PLCE1: variants seen among roughly 807,000 people sequenced by gnomAD.
PLCE1 encodes 1-phosphatidylinositol 4,5-bisphosphate phosphodiesterase epsilon-1.
Under a neutral mutation model 242.8 loss-of-function variants are expected in PLCE1, and 119 were observed. That is an observed-to-expected ratio of 0.49 (90% CI 0.42 to 0.57). The LOEUF (loss-of-function observed/expected upper bound fraction) is 0.57, where lower values mean the gene tolerates loss of function less well. Ranked by LOEUF, PLCE1 falls within the 20% of genes least tolerant of loss-of-function variation. The pLI is 0.00. For synonymous variants in PLCE1, 945 were observed against 1,017.4 expected, an observed-to-expected ratio of 0.93 and a Z score of 1.35; for missense variants, 2,441 against 2,788.8, an observed-to-expected ratio of 0.88 and a Z score of 2.81.
Position 94,324,392 on chromosome 10 carries a change from C to G in PLCE1, c.6545C>G (p.Pro2182Arg). 6.2e-7 allele frequency: 1 copy of G among 1,614,094 alleles called. No homozygotes were observed. Among genetic ancestry groups the G allele is most frequent in the Non-Finnish European group, 8.5e-7 (1 of 1,180,020 alleles). Residue 2182 changes from proline (P) to arginine (R), a missense_variant, in exon 31 of 33, where the codon CCC becomes CGC. Around this residue, in one of 5 missense-constraint regions of PLCE1, gnomAD observed 310 missense variants for 317.2 expected, o/e 0.98. Coordinates refer to ENST00000371380, the MANE Select transcript of PLCE1 (RefSeq NM_016341.4). ...TATTCCTACAGCATCCTGAGCAACC[C>G]CAATCCAAGCGACTATGTGCTTTTG... ...AKYSYSILSN[P>R]NPSDYVLLEE...
intron 4 of PLCE1, among the ~76,000 whole-genome samples, chr10:94,203,547 A>C (rs1771171985): frequency 6.6e-6 from 1 of 152,108 alleles, no homozygotes; most frequent in South Asian, 2.1e-4. Context: ...CTTTTTGATG[A>C]CCTCACACTT....
chr10:94,076,888 T>C (rs2044520052), intron 2 of PLCE1, among the ~76,000 whole-genome samples: 1 of 151,208 alleles, frequency 6.6e-6, no homozygotes, highest in Non-Finnish European at 1.5e-5. Flanking sequence ...TACTGTGAAG[T>C]TGTGTATCAT....
chr10:94,323,731 T>C (rs769440553), intron 30 of PLCE1, among the ~76,000 whole-genome samples: 1 of 152,262 alleles, frequency 6.6e-6, no homozygotes, highest in Non-Finnish European at 1.5e-5. Context: ...TGACTTTGAA[T>C]TCCAAAGGGC....
chr10:94,326,440 A>G (rs1269633137), intron 32 of PLCE1, among the ~76,000 whole-genome samples: 1 of 152,194 alleles, frequency 6.6e-6, no homozygotes, highest in African/African-American at 2.4e-5. Context: ...AATTTTAAAT[A>G]TTGTTTTCCA....
chr10:94,155,465 C>T (rs1289143268), intron 3 of PLCE1, among the ~76,000 whole-genome samples: 1 of 152,236 alleles, frequency 6.6e-6, no homozygotes. Context: ...TAGTGGTTGT[C>T]AGGGCCTGGG....
intron 4 of PLCE1, among the ~76,000 whole-genome samples, chr10:94,220,884 C>T (rs2049718593): frequency 1.3e-5 from 2 of 152,188 alleles, no homozygotes; most frequent in Non-Finnish European, 1.5e-5. Flanking sequence ...GCTGGGAGTG[C>T]ACACAGGTCT....
In PLCE1 at chr10:94,246,142, G is replaced by A; in HGVS notation, c.2617G>A (p.Asp873Asn). 2 of 1,614,070 alleles carry A rather than the reference G, an allele frequency of 1.2e-6. No homozygotes were observed. Among genetic ancestry groups the A allele is most frequent in the South Asian group, 1.1e-5 (1 of 91,080 alleles). ...QGATVIHYDQ[D>N]THLSARCFLQ... is the part of the protein sequence containing the mutation. ...GGCCACGGTCATCCACTACGACCAG[G>A]ACACACACCTCTCTGCCCGCTGCTT... Residue 873 changes from aspartate to asparagine, a missense_variant, in exon 8 of 33, where the codon GAC becomes AAC. Transcript: ENST00000371380.
chr10:94,291,331 A>G (rs2052638751), intron 22 of PLCE1, among the ~76,000 whole-genome samples: 1 of 152,140 alleles, frequency 6.6e-6, no homozygotes, highest in Non-Finnish European at 1.5e-5. Flanking sequence ...GCTTCTGCTC[A>G]AACTTCCATC....
intron 21 of PLCE1, among the ~76,000 whole-genome samples, 165 bp downstream of exon 21, chr10:94,284,076 C>T (rs1034882481): frequency 6.6e-6 from 1 of 152,150 alleles, no homozygotes; most frequent in African/African-American, 2.4e-5. Flanking sequence ...ACCCACCTTC[C>T]ATTTGTGGAA....
At chr10:94,161,006 G>C (rs1278608521) in intron 3 of PLCE1, among the ~76,000 whole-genome samples, 1 of 152,152 alleles carries the variant, frequency 6.6e-6, no homozygotes, top group African/African-American at 2.4e-5. Flanking sequence ...TTTGGTTACT[G>C]TAGCCTTGTA....
At chr10:94,089,689 C>CT (rs2044986277) in intron 2 of PLCE1, among the ~76,000 whole-genome samples, 1 of 152,060 alleles carries the variant, frequency 6.6e-6, no homozygotes, top group African/African-American at 2.4e-5. Context: ...GTTTTCATTC[C>CT]TTTTGCAATG....
rs2048457724 is a variant in PLCE1, at chr10:94,185,741, C to A, written c.1809+14245C>A. On this transcript the variant is annotated intron_variant, in intron 4 of 32. Coordinates refer to ENST00000371380, the MANE Select transcript of PLCE1 (RefSeq NM_016341.4). ...ATTTGTGCAGAATGAGAGATAAAGACTGTGCATGCCATGAGATTTGAAGAG... is the reference window on the plus strand; with the variant it reads ...ATTTGTGCAGAATGAGAGATAAAGAATGTGCATGCCATGAGATTTGAAGAG... Among the ~76,000 whole-genome samples, 2 of 152,186 alleles carry A rather than the reference C, an allele frequency of 1.3e-5. 1 individual carries two copies. Among genetic ancestry groups the A allele is most frequent in the Non-Finnish European group, 2.9e-5 (2 of 68,032 alleles).
chr10:94,155,489 G>A (rs1459416110), intron 3 of PLCE1: 1 of 152,170 alleles, frequency 6.6e-6, no homozygotes, highest in Non-Finnish European at 1.5e-5. Flanking sequence ...GAGGGACTGG[G>A]GGAGTGGAGT....
intron 4 of PLCE1, among the ~76,000 whole-genome samples, chr10:94,204,981 A>G (rs1023722100): frequency 1.3e-5 from 2 of 152,210 alleles, no homozygotes; most frequent in African/African-American, 2.4e-5. Context: ...AATCCAGTTC[A>G]GGTATGTTGC....
intron 19 of PLCE1, chr10:94,279,133 T>C (rs776359862): frequency 6.6e-6 from 1 of 152,302 alleles, no homozygotes; most frequent in Non-Finnish European, 1.5e-5. Context: ...TTTCTTAAGC[T>C]AGGTAGGTTC....
intron 4 of PLCE1, among the ~76,000 whole-genome samples, chr10:94,178,416 CT>C (rs751395506): frequency 3.9e-5 from 6 of 152,164 alleles, no homozygotes; most frequent in Admixed American, 2.6e-4. Flanking sequence ...GTCTTTTCCC[CT>C]CCCCAATTCT....
intron 4 of PLCE1, among the ~76,000 whole-genome samples, chr10:94,195,162 A>G (rs1170105335): frequency 6.6e-6 from 1 of 152,222 alleles, no homozygotes; most frequent in Non-Finnish European, 1.5e-5. Context: ...TAGATTTGCT[A>G]GCATGAATAA....
intron 3 of PLCE1, among the ~76,000 whole-genome samples, chr10:94,151,833 C>G (rs2047285104): frequency 1.3e-5 from 2 of 152,122 alleles, no homozygotes; most frequent in African/African-American, 4.8e-5. Context: ...GTTTCCCAAG[C>G]CCCCTCCACA....
intron 2 of PLCE1, among the ~76,000 whole-genome samples, chr10:94,112,694 T>C (rs894888555): frequency 5.3e-5 from 8 of 152,278 alleles, no homozygotes; most frequent in Admixed American, 3.3e-4. Flanking sequence ...GGCCTCAGTA[T>C]TTTTTTGTTC....
Sources: gnomAD v4.1 joint callset for allele counts (sites outside exome capture counted in the v4.1 genomes callset) on GRCh38, gnomAD v4.1.1 for gene constraint, gnomAD v4.1.1 regional missense constraint, MANE v1.5 for transcripts, NCBI Gene and HGNC (gene_info 2026-07-23, HGNC 2026-07-21) for gene names.